Variants in LINGO2 observed in about 807,000 individuals in gnomAD.
LINGO2 encodes the protein leucine rich repeat and Ig domain containing 2, also known as leucine-rich repeat and immunoglobulin-like domain-containing nogo receptor-interacting protein 2.
Under a neutral mutation model 30.6 loss-of-function variants are expected in LINGO2, and 14 were observed. The observed-to-expected ratio is 0.46, with a 90% CI of 0.30 to 0.72. LINGO2 has a LOEUF of 0.72. Ranked by LOEUF, LINGO2 falls within the 30% of genes least tolerant of loss-of-function variation. The pLI, the probability that LINGO2 is intolerant of heterozygous loss-of-function variation, is 0.07. For synonymous variants in LINGO2, 317 were observed against 288.5 expected (o/e 1.10, Z -1.00); for missense variants, 729 against 751.7 (o/e 0.97, Z 0.35).
At chr9:28,988,448 C>G in the LINGO2 span, among the ~76,000 whole-genome samples, 3 of 152,080 alleles carry the variant, frequency 2.0e-5, no homozygotes, top group African/African-American at 7.2e-5. Context: ...CTGTATTAGG[C>G]AGCATATAGT....
the LINGO2 span, among the ~76,000 whole-genome samples, chr9:28,837,077 T>C: frequency 6.6e-6 from 1 of 152,204 alleles, no homozygotes; most frequent in South Asian, 2.1e-4. Context: ...TTTTGAACTA[T>C]AAGTTCAGGC....
chr9:28,725,910 T>C, the LINGO2 span, among the ~76,000 whole-genome samples: 2 of 152,236 alleles, frequency 1.3e-5, no homozygotes, highest in Admixed American at 1.3e-4. Flanking sequence ...TTATAAGCAC[T>C]GAAAGGGTTA....
chr9:28,045,099 G>T (rs924129413), intron 4 of LINGO2, among the ~76,000 whole-genome samples: 1 of 151,850 alleles, frequency 6.6e-6, no homozygotes, highest in Non-Finnish European at 1.5e-5. Context: ...GGAAAAAATT[G>T]AGACTTTTTC....
At chr9:28,170,040 A>G (rs1255399324) in intron 4 of LINGO2, among the ~76,000 whole-genome samples, 1 of 152,228 alleles carries the variant, frequency 6.6e-6, no homozygotes, top group Non-Finnish European at 1.5e-5. Context: ...GAGCCCGACA[A>G]CAATGGAAGT....
chr9:28,361,130 A>C (rs899311599), intron 3 of LINGO2, among the ~76,000 whole-genome samples: 2 of 152,204 alleles, frequency 1.3e-5, no homozygotes, highest in African/African-American at 2.4e-5. Context: ...CCTGCCTGTT[A>C]GTCATTTAGT....
chr9:28,787,708 A>G, the LINGO2 span, among the ~76,000 whole-genome samples: 2 of 152,148 alleles, frequency 1.3e-5, no homozygotes, highest in Admixed American at 6.5e-5. Context: ...TAAGATAAAG[A>G]TAAATAATTT....
chr9:28,367,890 C>A (rs777775421), intron 3 of LINGO2, among the ~76,000 whole-genome samples: 23 of 151,960 alleles, frequency 1.5e-4, no homozygotes, highest in Non-Finnish European at 3.1e-4. Flanking sequence ...GTTTATTGAA[C>A]TTTTTCCCCT....
At chr9:28,583,887 T>C (rs191270899) in intron 1 of LINGO2, among the ~76,000 whole-genome samples, 1 of 152,178 alleles carries the variant, frequency 6.6e-6, no homozygotes. Flanking sequence ...GTCATGAAGG[T>C]TCTTCCCTAT....
At chr9:28,459,511 T>C (rs1430832510) in intron 2 of LINGO2, among the ~76,000 whole-genome samples, 2 of 150,208 alleles carry the variant, frequency 1.3e-5, no homozygotes, top group African/African-American at 4.9e-5. Flanking sequence ...GAAAAAAAAG[T>C]CTATTTTCCT....
the LINGO2 span, among the ~76,000 whole-genome samples, chr9:28,909,172 G>T: frequency 1.7e-4 from 26 of 151,978 alleles, no homozygotes; most frequent in South Asian, 1.7e-3. Flanking sequence ...TCTGATAGAT[G>T]TGTTGTATGT....
At chr9:28,309,633 C>T (rs528199250) in intron 3 of LINGO2, among the ~76,000 whole-genome samples, 1 of 151,026 alleles carries the variant, frequency 6.6e-6, no homozygotes, top group African/African-American at 2.4e-5. Flanking sequence ...GATTAATTTA[C>T]TATTAAAGAA....
At chr9:28,839,538 C>T in the LINGO2 span, among the ~76,000 whole-genome samples, 3 of 152,236 alleles carry the variant, frequency 2.0e-5, no homozygotes, top group Non-Finnish European at 4.4e-5. Flanking sequence ...GTCGTCCCCA[C>T]ATCTGCTCAG....
chr9:29,169,066 G>A, the LINGO2 span, among the ~76,000 whole-genome samples: 3 of 152,050 alleles, frequency 2.0e-5, no homozygotes, highest in Non-Finnish European at 2.9e-5. Context: ...TCCTGCCTCA[G>A]CCTCCTGAGT....
At chr9:28,321,693 AG>A (rs1473258732) in intron 3 of LINGO2, among the ~76,000 whole-genome samples, 1 of 152,210 alleles carries the variant, frequency 6.6e-6, no homozygotes, top group Non-Finnish European at 1.5e-5. Flanking sequence ...CAACATGAAC[AG>A]GCTTCAAACA....
rs571798087 is a variant in LINGO2, at chr9:28,453,118, C to T, written c.-279+22822G>A. Reference sequence around the variant, plus strand: ...CAATATATAATGTACCATAAAATTTCGAAATGGTTGTTAACATTTTTATTT... The same window carrying T: ...CAATATATAATGTACCATAAAATTTTGAAATGGTTGTTAACATTTTTATTT... On this transcript the variant is annotated intron_variant, in intron 2 of 5. Transcript: ENST00000379992. Among the ~76,000 whole-genome samples, 23 of 151,898 alleles carry T rather than the reference C, an allele frequency of 1.5e-4. No homozygotes were observed. In the South Asian group the frequency reaches 2.1e-3, roughly 14 times the overall value.
chr9:28,346,444 G>A (rs1014086092), intron 3 of LINGO2, among the ~76,000 whole-genome samples: 1 of 152,100 alleles, frequency 6.6e-6, no homozygotes, highest in African/African-American at 2.4e-5. Context: ...ATTATTGATG[G>A]GCATTTGGGT....
At chr9:28,649,125 C>G (rs932209137) in intron 1 of LINGO2, among the ~76,000 whole-genome samples, 1 of 152,078 alleles carries the variant, frequency 6.6e-6, no homozygotes, top group South Asian at 2.1e-4. Context: ...ACTTGAATGC[C>G]TATGTTTTCA....
chr9:28,671,192 C>T (rs1828994679), upstream of LINGO2, among the ~76,000 whole-genome samples: 1 of 152,014 alleles, frequency 6.6e-6, no homozygotes, highest in South Asian at 2.1e-4. Context: ...CTCAGTGAAT[C>T]AGCACCATGG....
At chr9:28,641,644 A>T (rs756909437) in intron 1 of LINGO2, among the ~76,000 whole-genome samples, 13 of 152,176 alleles carry the variant, frequency 8.5e-5, no homozygotes, top group Non-Finnish European at 7.3e-5. Context: ...GCAGTCAGCA[A>T]TATCATGGAG....
Sources: gnomAD v4.1 joint callset for allele counts (sites outside exome capture counted in the v4.1 genomes callset) on GRCh38, gnomAD v4.1.1 for gene constraint, MANE v1.5 for transcripts, NCBI Gene and HGNC (gene_info 2026-07-23, HGNC 2026-07-21) for gene names.